ARHGAP22: variants seen among roughly 807,000 people sequenced by gnomAD.
The protein encoded by ARHGAP22 is Rho GTPase activating protein 22, also known as rho GTPase-activating protein 22.
Under a neutral mutation model 59.1 loss-of-function variants are expected in ARHGAP22, and 48 were observed. The ratio of observed to expected loss-of-function variants is 0.81; its 90% CI spans 0.64 to 1.03. The LOEUF (loss-of-function observed/expected upper bound fraction) is 1.03. Ranked by LOEUF, ARHGAP22 falls within the 50% of genes least tolerant of loss-of-function variation. The pLI is 0.00. For synonymous variants in ARHGAP22, 445 were observed against 416.4 expected (o/e 1.07, Z -0.84); for missense variants, 1,015 against 958.7 (o/e 1.06, Z -0.78).
chr10:48,626,994 G>C (rs2061472989), intron 1 of ARHGAP22, among the ~76,000 whole-genome samples: 1 of 152,276 alleles, frequency 6.6e-6, no homozygotes, highest in East Asian at 1.9e-4. Context: ...CCAATGATTT[G>C]ATTAATCATG....
chr10:48,444,391 A>G (rs1352761903), downstream of ARHGAP22: 1 of 152,238 alleles, frequency 6.6e-6, no homozygotes, highest in Non-Finnish European at 1.5e-5. Context: ...TTTACAGATA[A>G]GATGCCCAGT....
intron 1 of ARHGAP22, among the ~76,000 whole-genome samples, chr10:48,597,794 G>A (rs765163767): frequency 1.3e-5 from 2 of 152,140 alleles, no homozygotes; most frequent in Non-Finnish European, 2.9e-5. Flanking sequence ...ATTCCATGTC[G>A]ATTATAAATT....
At chr10:48,434,540 G>T in the ARHGAP22 span, among the ~76,000 whole-genome samples, 1 of 152,166 alleles carries the variant, frequency 6.6e-6, no homozygotes, top group African/African-American at 2.4e-5. Flanking sequence ...AGTTTTGCAT[G>T]TATTATCAGC....
At chr10:48,512,607 C>T (rs1723660791) in intron 3 of ARHGAP22, among the ~76,000 whole-genome samples, 1 of 152,214 alleles carries the variant, frequency 6.6e-6, no homozygotes, top group Non-Finnish European at 1.5e-5. Context: ...AGCAATCTTA[C>T]ACACAGAGGC....
chr10:48,563,008 G>A (rs2057787995), intron 2 of ARHGAP22, among the ~76,000 whole-genome samples: 1 of 151,956 alleles, frequency 6.6e-6, no homozygotes. Context: ...TGGAGCTCTA[G>A]GGCAGGATCT....
chr10:48,445,951 T>A (rs946333894), downstream of ARHGAP22: 1 of 184,288 alleles, frequency 5.4e-6, no homozygotes, highest in Non-Finnish European at 1.1e-5. Flanking sequence ...CTCAGGGGGC[T>A]CCTAGCCCTT....
At chr10:48,620,238 G>T (rs1310929428) in intron 1 of ARHGAP22, among the ~76,000 whole-genome samples, 1 of 151,310 alleles carries the variant, frequency 6.6e-6, no homozygotes, top group African/African-American at 2.4e-5. Flanking sequence ...GAGCCACGGA[G>T]CTGTATGTTT....
chr10:48,475,682 C>T lies in ARHGAP22; in HGVS notation c.451+3954G>A, dbSNP rs533645320. On this transcript the variant is annotated intron_variant, in intron 4 of 9. Coordinates refer to ENST00000249601, the MANE Select transcript of ARHGAP22 (RefSeq NM_021226.4). ...AATCAAGAATTCAATGACTTCTTAT[C>T]GCCACCACCACTGGGCCAGGCCACC... 5.3e-5 allele frequency among the ~76,000 whole-genome samples: 8 copies of T among 152,310 alleles called. No homozygotes were observed. The East Asian group carries it at 9.6e-4, about 18-fold the overall frequency.
At chr10:48,631,612 C>A (rs1172874187) in intron 1 of ARHGAP22, among the ~76,000 whole-genome samples, 1 of 152,180 alleles carries the variant, frequency 6.6e-6, no homozygotes, top group Non-Finnish European at 1.5e-5. Context: ...AATAACACTA[C>A]TACTTAAAAA....
intron 4 of ARHGAP22, among the ~76,000 whole-genome samples, chr10:48,471,110 C>A (rs730509): frequency 0.61 from 92,317 of 152,046 alleles, 30,068 homozygotes; most frequent in Non-Finnish European, 0.72. Flanking sequence ...TTTCTCCCTT[C>A]TTTTTTCCAC....
intron 2 of ARHGAP22, among the ~76,000 whole-genome samples, chr10:48,580,431 G>A (rs1459352160): frequency 6.6e-6 from 1 of 152,224 alleles, no homozygotes; most frequent in East Asian, 1.9e-4. Flanking sequence ...CTGTGGCAGA[G>A]GAGGCTCTGT....
At chr10:48,646,057 C>T (rs917269641) in intron 1 of ARHGAP22, among the ~76,000 whole-genome samples, 7 of 152,084 alleles carry the variant, frequency 4.6e-5, no homozygotes, top group African/African-American at 1.7e-4. Context: ...ACATCAGCAA[C>T]AAAAACTCCA....
chr10:48,578,453 T>C (rs893563821), intron 2 of ARHGAP22, among the ~76,000 whole-genome samples: 2 of 152,158 alleles, frequency 1.3e-5, no homozygotes, highest in African/African-American at 4.8e-5. Context: ...GACTTTTAAA[T>C]GTCACCCTTA....
intron 3 of ARHGAP22, among the ~76,000 whole-genome samples, chr10:48,550,039 C>G (rs971285302): frequency 1.3e-5 from 2 of 152,222 alleles, no homozygotes; most frequent in East Asian, 3.8e-4. Flanking sequence ...GTGCTGAGCG[C>G]CTTGGAACTA....
At chr10:48,580,952 G>T (rs1200816820) in intron 2 of ARHGAP22, among the ~76,000 whole-genome samples, 5 of 141,818 alleles carry the variant, frequency 3.5e-5, no homozygotes, top group African/African-American at 5.3e-5. Context: ...AAAAAAAATG[G>T]ACTCCCCATT....
chr10:48,571,649 T>G (rs984841129), intron 2 of ARHGAP22, among the ~76,000 whole-genome samples: 1 of 152,226 alleles, frequency 6.6e-6, no homozygotes, highest in Non-Finnish European at 1.5e-5. Flanking sequence ...GTAAGAAAAC[T>G]CCAAAACTTA....
Position 48,643,768 on chromosome 10 carries a change from T to A in ARHGAP22, c.52+8466A>T, listed in dbSNP as rs200063104. ...AAGTATAATTAAAAAAAAAAAAATA[T>A]ATATATATATATATGCCACACAACA... On this transcript the variant is annotated intron_variant, in intron 1 of 9. Transcript: ENST00000435790. 4.1e-3 allele frequency among the ~76,000 whole-genome samples: 598 copies of A among 147,650 alleles called. 1 individual carries two copies. The highest frequency in any genetic ancestry group is 8.8e-3 in the African/African-American group (352 of 40,038).
chr10:48,448,790 T>C (rs2045614124), intron 9 of ARHGAP22, among the ~76,000 whole-genome samples: 1 of 152,200 alleles, frequency 6.6e-6, no homozygotes, highest in Non-Finnish European at 1.5e-5. Context: ...CCACAAGGGC[T>C]ACCACTGCTA....
chr10:48,450,374 C>CGGCTCGCTG lies in ARHGAP22; in HGVS notation c.1746_1754dup (p.Ser583_Pro585dup), dbSNP rs1290237377. The CGGCTCGCTG allele has an allele frequency of 4.4e-6, 7 of 1,581,088 alleles. No homozygotes were observed. In the African/African-American group the frequency reaches 5.4e-5, roughly 12 times the overall value. ...GCGCGTGTTCCCGGGTGGGGCTGTC[C>CGGCTCGCTG]GGCTCGCTGGGCTCGCTGTTGCTGG... On this transcript the variant is annotated inframe_insertion, in exon 9 of 10. Transcript: ENST00000249601.
Sources: allele counts gnomAD v4.1 joint callset (sites outside exome capture counted in the v4.1 genomes callset), GRCh38; gene constraint gnomAD v4.1.1; transcripts MANE v1.5; gene names NCBI Gene and HGNC (gene_info 2026-07-23, HGNC 2026-07-21).